The following TRMT2B variants were observed in gnomAD, a reference collection of about 807,000 sequenced individuals.
The protein encoded by TRMT2B is tRNA (uracil-5-)-methyltransferase homolog B.
TRMT2B carries 34 observed loss-of-function variants against 39.7 expected under a neutral mutation model. That is an observed-to-expected ratio of 0.86 (90% confidence interval 0.65 to 1.14). TRMT2B has a LOEUF of 1.14. Ranked by LOEUF, TRMT2B falls within the 50% of genes most tolerant of loss-of-function variation. The pLI is 0.00. For synonymous variants in TRMT2B, 132 were observed against 137.3 expected (o/e 0.96, Z 0.27); for missense variants, 318 against 377.2 (o/e 0.84, Z 1.30).
Position 101,051,464 on chromosome X carries a change from C to A in TRMT2B, c.-237G>T. On this transcript the variant is annotated 5_prime_UTR_variant, in exon 2 of 14. Transcript: ENST00000372936. ...GTCTCCCCAACAAGACTCCACTAGC[C>A]CTTCCATTCCCTTCTTCTTTAGGCA... The A allele has an allele frequency of 2.7e-6, 2 of 754,571 alleles. No homozygotes were observed. Among genetic ancestry groups the A allele is most frequent in the Non-Finnish European group, 3.1e-6 (2 of 639,473 alleles). The allele number at this position is 754,571 out of a possible 1,213,427, so 62.2% of individuals were successfully genotyped here. A position where few individuals can be genotyped will look rare whatever the true frequency, so the allele number is the denominator to read the frequency against.
chrX:100,999,359 G>C, the TRMT2B span, among the ~76,000 whole-genome samples: 5 of 112,654 alleles, frequency 4.4e-5, no homozygotes, highest in Non-Finnish European at 1.9e-5. Context: ...AGTACTAAGG[G>C]AGCTTCATGA....
At chrX:100,988,213 T>C in the TRMT2B span, 2 of 1,206,362 alleles carry the variant, frequency 1.7e-6, no homozygotes, top group Admixed American at 2.2e-5. Context: ...AGAACAGGAA[T>C]GTCAAAGGAG....
At chrX:100,998,838 C>T in the TRMT2B span, among the ~76,000 whole-genome samples, 2 of 110,932 alleles carry the variant, frequency 1.8e-5, no homozygotes, top group Non-Finnish European at 3.8e-5. Flanking sequence ...TATGCTATAT[C>T]GCCTATCTAA....
At chrX:100,984,447 C>T in the TRMT2B span, among the ~76,000 whole-genome samples, 9 of 111,612 alleles carry the variant, frequency 8.1e-5, no homozygotes, top group Non-Finnish European at 1.1e-4. Context: ...CCAAGACTAC[C>T]GTTTTCAACT....
chrX:101,033,572 G>A (rs1344138823), intron 7 of TRMT2B, among the ~76,000 whole-genome samples: 2 of 109,977 alleles, frequency 1.8e-5, no homozygotes, highest in Non-Finnish European at 3.8e-5. Flanking sequence ...TACAGCCCGG[G>A]CGACAGAGCG....
Position 101,011,711 on chromosome X carries a change from T to A in TRMT2B, c.1389-1004A>T, listed in dbSNP as rs2086261004. On this transcript the variant is annotated intron_variant, in intron 13 of 13. Coordinates refer to ENST00000372936, the MANE Select transcript of TRMT2B (RefSeq NM_024917.6). ...AAGTTCGAGACCAGCCGGGGCCACA[T>A]GACAAAACCCTGTCTCTACAAAAAA... 1.1e-4 allele frequency among the ~76,000 whole-genome samples: 12 copies of A among 111,403 alleles called. No individual in the cohort carries two copies. The Admixed American group carries it at 1.2e-3, about 11-fold the overall frequency.
At chrX:101,003,198 G>C in the TRMT2B span, among the ~76,000 whole-genome samples, 1 of 109,195 alleles carries the variant, frequency 9.2e-6, no homozygotes, top group Admixed American at 1.0e-4. Context: ...TTACAGGTGT[G>C]AGCCACTGCA....
the TRMT2B span, among the ~76,000 whole-genome samples, chrX:100,989,529 G>A: frequency 9.3e-6 from 1 of 107,930 alleles, no homozygotes; most frequent in Non-Finnish European, 1.9e-5. Flanking sequence ...AGAATCGCTT[G>A]AACCCAGGAG....
intron 10 of TRMT2B, among the ~76,000 whole-genome samples, chrX:101,020,789 C>T (rs980938397): frequency 3.6e-5 from 4 of 111,841 alleles, no homozygotes; most frequent in African/African-American, 1.3e-4. Flanking sequence ...CCTCTCTCAG[C>T]CCCCTGAGTA....
intron 2 of TRMT2B, among the ~76,000 whole-genome samples, chrX:101,042,553 G>T (rs1462562787): frequency 8.9e-6 from 1 of 111,757 alleles, no homozygotes; most frequent in Non-Finnish European, 1.9e-5. Flanking sequence ...CAAATCTCTG[G>T]ATATATTTCT....
chrX:101,048,151 C>CAG (rs769282018), intron 2 of TRMT2B, among the ~76,000 whole-genome samples: 7,783 of 103,182 alleles, frequency 0.075, 294 homozygotes, highest in Admixed American at 0.12. Context: ...CACACACACA[C>CAG]AGAGAAAATT....
intron 4 of TRMT2B, among the ~76,000 whole-genome samples, chrX:101,040,716 A>G (rs191830023): frequency 8.9e-6 from 1 of 112,038 alleles, no homozygotes; most frequent in African/African-American, 3.2e-5. Flanking sequence ...CATGTTGGAA[A>G]GCACAGCTAC....
intron 2 of TRMT2B, among the ~76,000 whole-genome samples, chrX:101,044,237 G>A (rs1286733394): frequency 4.6e-5 from 4 of 87,607 alleles, no homozygotes; most frequent in African/African-American, 8.7e-5. Flanking sequence ...GCGAGACTCC[G>A]TCTCAAAAAG....
chrX:101,038,654 T>A (rs2088011982), intron 4 of TRMT2B, among the ~76,000 whole-genome samples: 1 of 112,463 alleles, frequency 8.9e-6, no homozygotes. Flanking sequence ...ATGGAAATGT[T>A]CTGTTTGCCC....
At chrX:101,001,247 A>AT in the TRMT2B span, among the ~76,000 whole-genome samples, 1 of 110,633 alleles carries the variant, frequency 9.0e-6, no homozygotes, top group Non-Finnish European at 1.9e-5. Context: ...TTTTTTATAT[A>AT]TTTTTTGAGA....
Position 101,027,479 on chromosome X carries a change from T to C in TRMT2B, c.610-3863A>G, listed in dbSNP as rs183367238. ...GGCTGGTCTTGATCTCCTGACCTTG[T>C]GATCCGCCCACCTTGGCCTCCCAAA... On this transcript the variant is annotated intron_variant, in intron 7 of 13. Transcript: ENST00000372936. Among the ~76,000 whole-genome samples the C allele has an allele frequency of 1.6e-4, 17 of 109,413 alleles. No homozygotes were observed. The East Asian group carries it at 4.0e-3, about 26-fold the overall frequency.
the TRMT2B span, chrX:100,987,407 C>G: frequency 1.7e-6 from 2 of 1,210,705 alleles, no homozygotes; most frequent in Non-Finnish European, 2.2e-6. Context: ...GTTCAGCCAT[C>G]AGAAACCTTG....
At chrX:100,983,387 C>T in the TRMT2B span, among the ~76,000 whole-genome samples, 1 of 110,249 alleles carries the variant, frequency 9.1e-6, no homozygotes, top group Non-Finnish European at 1.9e-5. Context: ...ACAGACGTCT[C>T]GCTCTGTCAC....
At chrX:101,001,236 A>C in the TRMT2B span, among the ~76,000 whole-genome samples, 1 of 110,463 alleles carries the variant, frequency 9.1e-6, no homozygotes, top group African/African-American at 3.3e-5. Context: ...AGGCATCAAT[A>C]TTTTTTATAT....
Sources: allele counts gnomAD v4.1 joint callset (sites outside exome capture counted in the v4.1 genomes callset), GRCh38; gene constraint gnomAD v4.1.1; transcripts MANE v1.5; gene names NCBI Gene and HGNC (gene_info 2026-07-23, HGNC 2026-07-21).